PCAT7: variants seen among roughly 807,000 people sequenced by gnomAD.
The protein encoded by PCAT7 is prostate cancer associated transcript 7 (non-protein coding).
intron 2 of PCAT7, among the ~76,000 whole-genome samples, chr9:94,567,043 C>T (rs1475844006): frequency 5.3e-5 from 8 of 152,076 alleles, no homozygotes; most frequent in Admixed American, 5.2e-4. Context: ...AGAATTTATC[C>T]TGGAAAAACT....
chr9:94,555,587 G>T (rs1410120302), intron 1 of PCAT7, among the ~76,000 whole-genome samples: 9 of 150,182 alleles, frequency 6.0e-5, no homozygotes, highest in Non-Finnish European at 8.9e-5. Context: ...AGTGGTGAGG[G>T]GGGGAAAATG....
intron 2 of PCAT7, chr9:94,568,794 C>T (rs758709927): frequency 3.3e-5 from 5 of 152,178 alleles, no homozygotes; most frequent in Non-Finnish European, 4.4e-5. Context: ...TGACTTCAAT[C>T]TCTCTGCCTC....
intron 2 of PCAT7, chr9:94,571,673 G>C (rs1827271974): frequency 1.5e-6 from 2 of 1,368,794 alleles, no homozygotes; most frequent in Admixed American, 4.4e-5. Context: ...AGGGGCCTGG[G>C]CTTCAGATCT....
chr9:94,570,783 A>C (rs1319251276), intron 2 of PCAT7: 1 of 152,180 alleles, frequency 6.6e-6, no homozygotes, highest in Non-Finnish European at 1.5e-5. Context: ...TCATTTTGAA[A>C]TTTTGCAAAC....
intron 2 of PCAT7, among the ~76,000 whole-genome samples, chr9:94,566,188 G>A (rs554955103): frequency 2.0e-5 from 3 of 152,340 alleles, no homozygotes; most frequent in African/African-American, 7.2e-5. Flanking sequence ...AAAGGGCACT[G>A]TTGGGAACAG....
At chr9:94,561,903 G>A (rs1035329209) in intron 2 of PCAT7, among the ~76,000 whole-genome samples, 19 of 152,212 alleles carry the variant, frequency 1.2e-4, no homozygotes, top group African/African-American at 4.3e-4. Context: ...ACATGAGTAT[G>A]TGATCCCATG....
rs768394639 is a variant in PCAT7, at chr9:94,561,879, CAT to C, written n.441+2728_441+2729del. Among the ~76,000 whole-genome samples, 7 of 152,266 alleles carry C rather than the reference CAT, an allele frequency of 4.6e-5. 1 individual carries two copies. The highest frequency in any genetic ancestry group is 6.8e-3 in the Middle Eastern group (2 of 294). ...AAACGCAGATCTATCTATGGAGTGACATGTGCTTAAGGGACATGAGTATGTGA... is the reference window on the plus strand; with the variant it reads ...AAACGCAGATCTATCTATGGAGTGACGTGCTTAAGGGACATGAGTATGTGA... On this transcript the variant is annotated intron_variant and non_coding_transcript_variant, in intron 2 of 8. Coordinates refer to ENST00000647389, the Ensembl canonical transcript of PCAT7.
chr9:94,558,934 C>T, intron 1 of PCAT7: 7 of 1,614,064 alleles, frequency 4.3e-6, no homozygotes, highest in Non-Finnish European at 5.9e-6. Flanking sequence ...TGGGGTCAAA[C>T]TCGCTAGCTG....
chr9:94,566,402 C>A (rs939699388), intron 2 of PCAT7, among the ~76,000 whole-genome samples: 1 of 152,282 alleles, frequency 6.6e-6, no homozygotes, highest in Non-Finnish European at 1.5e-5. Context: ...CACGAGTGAT[C>A]TGTGCCTTAA....
chr9:94,559,182 C>G, intron 2 of PCAT7: 1 of 1,534,646 alleles, frequency 6.5e-7, no homozygotes, highest in Non-Finnish European at 8.9e-7. Flanking sequence ...GGCCAAATGT[C>G]CCGAGCCATG....
At chr9:94,562,525 G>C (rs898645180) in intron 2 of PCAT7, among the ~76,000 whole-genome samples, 1 of 152,120 alleles carries the variant, frequency 6.6e-6, no homozygotes, top group South Asian at 2.1e-4. Context: ...CATGTGCTGT[G>C]TGAGATCTCT....
intron 3 of PCAT7, among the ~76,000 whole-genome samples, chr9:94,573,473 G>T (rs879712428): frequency 6.6e-6 from 1 of 152,056 alleles, no homozygotes; most frequent in African/African-American, 2.4e-5. Flanking sequence ...TGCCCAGGCT[G>T]GTCTCAAACT....
chr9:94,558,923 G>A (rs1179889269), intron 1 of PCAT7: 5 of 1,613,240 alleles, frequency 3.1e-6, no homozygotes, highest in Non-Finnish European at 4.2e-6. Context: ...AAGAGGGCAT[G>A]TGGGGTCAAA....
chr9:94,562,159 A>AAAT (rs1400847110), intron 2 of PCAT7, among the ~76,000 whole-genome samples: 1 of 151,666 alleles, frequency 6.6e-6, no homozygotes, highest in Non-Finnish European at 1.5e-5. Context: ...AAAATACAAA[A>AAAT]AATTAGCCAG....
At chr9:94,554,743 C>A (rs1426438321), upstream of PCAT7, among the ~76,000 whole-genome samples, 12 of 152,212 alleles carry the variant, frequency 7.9e-5, no homozygotes, top group Admixed American at 7.9e-4. Flanking sequence ...CCTACCGCTC[C>A]GTCACCACCA....
At chr9:94,568,739 C>T (rs1188378852) in intron 2 of PCAT7, 3 of 152,218 alleles carry the variant, frequency 2.0e-5, no homozygotes, top group African/African-American at 7.2e-5. Flanking sequence ...AACAACTAAA[C>T]AATCCTTTCC....
At chr9:94,563,307 A>C (rs1391954437) in intron 2 of PCAT7, 2 of 1,609,002 alleles carry the variant, frequency 1.2e-6, no homozygotes, top group Non-Finnish European at 1.7e-6. Flanking sequence ...CACCTCCCTG[A>C]CCGGATGCAC....
At chr9:94,555,899 T>C (rs1272615373) in intron 1 of PCAT7, among the ~76,000 whole-genome samples, 2 of 138,504 alleles carry the variant, frequency 1.4e-5, no homozygotes, top group African/African-American at 2.8e-5. Context: ...TTGGGGTAGA[T>C]GGAAGGCAAA....
intron 2 of PCAT7, among the ~76,000 whole-genome samples, chr9:94,561,871 T>G (rs144009808): frequency 1.8e-3 from 273 of 152,300 alleles, no homozygotes; most frequent in Middle Eastern, 6.8e-3. Context: ...GATCTATCTA[T>G]GGAGTGACAT....
Sources: gnomAD v4.1 joint callset for allele counts (sites outside exome capture counted in the v4.1 genomes callset) on GRCh38, gnomAD v4.1.1 for gene constraint, MANE v1.5 for transcripts, NCBI Gene and HGNC (gene_info 2026-07-23, HGNC 2026-07-21) for gene names.